The following EXOC1L variants were observed in gnomAD, a reference collection of about 807,000 sequenced individuals.
The protein encoded by EXOC1L is exocyst complex component 1-like.
A neutral mutation model predicts 4.9 loss-of-function variants in EXOC1L; 10 were observed. The observed-to-expected ratio is 2.02, with a 90% CI of 1.25 to 3.43. The LOEUF (loss-of-function observed/expected upper bound fraction) is 3.43, where lower values mean the gene tolerates loss of function less well. Ranked by LOEUF, EXOC1L falls within the 30% of genes most tolerant of loss-of-function variation. The pLI is 0.00. For synonymous variants in EXOC1L, 41 were observed against 20.8 expected (o/e 1.97, Z -2.63); for missense variants, 114 against 59.4 (o/e 1.92, Z -3.02).
chr4:55,820,560 C>G (rs1213972669), intron 1 of EXOC1L, among the ~76,000 whole-genome samples: 1 of 152,182 alleles, frequency 6.6e-6, no homozygotes, highest in Non-Finnish European at 1.5e-5. Flanking sequence ...TGCAACTCGT[C>G]TGGAACACTG....
chr4:55,824,058 A>G (rs1719812286), intron 1 of EXOC1L, among the ~76,000 whole-genome samples: 1 of 152,148 alleles, frequency 6.6e-6, no homozygotes, highest in Non-Finnish European at 1.5e-5. Flanking sequence ...AAAAAATAAA[A>G]TACATATATC....
At chr4:55,827,712 G>A (rs1176705614) in intron 1 of EXOC1L, among the ~76,000 whole-genome samples, 1 of 152,008 alleles carries the variant, frequency 6.6e-6, no homozygotes, top group Non-Finnish European at 1.5e-5. Context: ...CACCCCCTAA[G>A]CACCATGTGA....
chr4:55,835,951 A>G (rs1249676619), intron 2 of EXOC1L, among the ~76,000 whole-genome samples: 1 of 151,930 alleles, frequency 6.6e-6, no homozygotes, highest in African/African-American at 2.4e-5. Context: ...GATTATTCGC[A>G]TGTAAATTTC....
At chr4:55,823,772 GA>G (rs1385059296) in intron 1 of EXOC1L, among the ~76,000 whole-genome samples, 1 of 152,058 alleles carries the variant, frequency 6.6e-6, no homozygotes, top group Non-Finnish European at 1.5e-5. Context: ...GCAGTGTCAC[GA>G]TTTCGGCTCA....
intron 1 of EXOC1L, among the ~76,000 whole-genome samples, chr4:55,820,418 T>C (rs1045247593): frequency 2.0e-5 from 3 of 152,238 alleles, no homozygotes; most frequent in African/African-American, 7.2e-5. Flanking sequence ...GATTATTTTG[T>C]CTCCAATCGT....
At chr4:55,829,293 T>A (rs937724775) in intron 1 of EXOC1L, among the ~76,000 whole-genome samples, 1 of 152,212 alleles carries the variant, frequency 6.6e-6, no homozygotes, top group African/African-American at 2.4e-5. Context: ...TTACACCCTA[T>A]GAATTTGGAT....
chr4:55,828,915 C>T (rs1451725614), intron 1 of EXOC1L, among the ~76,000 whole-genome samples: 1 of 152,104 alleles, frequency 6.6e-6, no homozygotes, highest in East Asian at 1.9e-4. Context: ...AACCTTTCCA[C>T]AGGAAAAAAC....
At position 55,825,846 on chromosome 4, in the gene EXOC1L, C is replaced by T. The variant is rs138336232; in HGVS notation, c.122-5488C>T. Among the ~76,000 whole-genome samples, 1,171 of 152,052 alleles carry T rather than the reference C, an allele frequency of 7.7e-3. 8 individuals are homozygous for T. The highest frequency in any genetic ancestry group is 0.027 in the African/African-American group (1,100 of 41,500). On this transcript the variant is annotated intron_variant, in intron 1 of 2. Coordinates refer to ENST00000636125, the MANE Select transcript of EXOC1L (RefSeq NM_001351574.3). ...TTCTAATCCCAGCACTTTGGGAGGT[C>T]GAGGTGAGCATCCAGATCACCTGAG... is the stretch of plus-strand genomic sequence containing the variant.
chr4:55,831,372 C>T lies in EXOC1L; in HGVS notation c.160C>T (p.His54Tyr). 1 of 677,750 alleles carries T rather than the reference C, an allele frequency of 1.5e-6. No individual in the cohort carries two copies. Among genetic ancestry groups the T allele is most frequent in the Non-Finnish European group, 2.7e-6 (1 of 374,600 alleles). 42.0% of individuals were successfully genotyped at this position (677,750 alleles called of 1,614,324 possible). The change falls in exon 2 of 3, where the codon CAC (histidine) becomes TAC (tyrosine). Residue 54 changes from histidine to tyrosine, a missense_variant. His to Tyr is a moderately conservative substitution (Grantham distance 83, BLOSUM62 2). Coordinates refer to ENST00000636125, the MANE Select transcript of EXOC1L (RefSeq NM_001351574.3). ...AGAAGTAAAAATAGTCATGGTGAAA[C>T]ACTACAGAATAGGTTTAGATGAAAA... is the stretch of plus-strand genomic sequence containing the variant. Reference protein sequence around the residue: ...KEEVKIVMVKHYRIGLDEKYE... With the variant: ...KEEVKIVMVKYYRIGLDEKYE...
intron 2 of EXOC1L, among the ~76,000 whole-genome samples, chr4:55,834,813 T>A (rs181789111): frequency 3.9e-5 from 6 of 152,080 alleles, no homozygotes; most frequent in Admixed American, 1.3e-4. Context: ...ATGGTTTTTT[T>A]AATTTTTATT....
At chr4:55,833,614 TTTTTC>T (rs1327094599) in intron 2 of EXOC1L, among the ~76,000 whole-genome samples, 2 of 151,906 alleles carry the variant, frequency 1.3e-5, no homozygotes, top group Admixed American at 1.3e-4. Context: ...CTTTGACCCA[TTTTTC>T]TTGTCTTTTT....
chr4:55,835,542 G>C (rs1720137653), intron 2 of EXOC1L, among the ~76,000 whole-genome samples: 1 of 151,644 alleles, frequency 6.6e-6, no homozygotes, highest in South Asian at 2.1e-4. Context: ...TTTTGATTAT[G>C]ATCATTCTTG....
intron 1 of EXOC1L, among the ~76,000 whole-genome samples, chr4:55,825,392 T>A (rs1264334978): frequency 3.9e-5 from 6 of 152,218 alleles, no homozygotes; most frequent in African/African-American, 1.4e-4. Context: ...TTTATCTTAT[T>A]TGCCACATCT....
chr4:55,833,612 C>A (rs949956560), intron 2 of EXOC1L, among the ~76,000 whole-genome samples: 6 of 151,846 alleles, frequency 4.0e-5, no homozygotes, highest in African/African-American at 1.2e-4. Context: ...ATCTTTGACC[C>A]ATTTTTCTTG....
At chr4:55,828,034 C>A (rs1260747976) in intron 1 of EXOC1L, among the ~76,000 whole-genome samples, 1 of 152,094 alleles carries the variant, frequency 6.6e-6, no homozygotes, top group Non-Finnish European at 1.5e-5. Context: ...AGCTCATTGA[C>A]CCCAAGTTAA....
At chr4:55,833,623 T>C (rs910798257) in intron 2 of EXOC1L, among the ~76,000 whole-genome samples, 3 of 151,964 alleles carry the variant, frequency 2.0e-5, no homozygotes, top group African/African-American at 7.2e-5. Flanking sequence ...ATTTTTCTTG[T>C]CTTTTTTCTC....
Position 55,828,252 on chromosome 4 carries a change from C to G in EXOC1L, c.122-3082C>G, listed in dbSNP as rs539239528. 6.6e-5 allele frequency among the ~76,000 whole-genome samples: 10 copies of G among 152,274 alleles called. No individual in the cohort carries two copies. The South Asian group carries it at 2.1e-3, about 32-fold the overall frequency. On this transcript the variant is annotated intron_variant, in intron 1 of 2. Transcript: ENST00000636125. Reference sequence around the variant, plus strand: ...AAATAGTGTTAGTGCATGAAGGAGTCCTCTGCAAGTTGTCTTCTGCCCTCA... The same window carrying G: ...AAATAGTGTTAGTGCATGAAGGAGTGCTCTGCAAGTTGTCTTCTGCCCTCA...
At chr4:55,828,266 C>T (rs2110282806) in intron 1 of EXOC1L, among the ~76,000 whole-genome samples, 1 of 152,322 alleles carries the variant, frequency 6.6e-6, no homozygotes, top group Non-Finnish European at 1.5e-5. Context: ...TGCAAGTTGT[C>T]TTCTGCCCTC....
intron 1 of EXOC1L, among the ~76,000 whole-genome samples, chr4:55,824,250 T>C (rs1719816676): frequency 6.7e-6 from 1 of 149,930 alleles, no homozygotes; most frequent in African/African-American, 2.5e-5. Flanking sequence ...TATATTTTTT[T>C]CAAGTCTCTC....
Sources: gnomAD v4.1 joint callset for allele counts (sites outside exome capture counted in the v4.1 genomes callset) on GRCh38, gnomAD v4.1.1 for gene constraint, MANE v1.5 for transcripts, NCBI Gene and HGNC (gene_info 2026-07-23, HGNC 2026-07-21) for gene names.